ANKRD26: variants seen among roughly 807,000 people sequenced by gnomAD.
ANKRD26 encodes ankyrin repeat domain 26.
A neutral mutation model predicts 208.7 loss-of-function variants in ANKRD26; 141 were observed. The observed-to-expected ratio is 0.68, with a 90% CI of 0.59 to 0.78. The LOEUF (loss-of-function observed/expected upper bound fraction) is 0.78, where lower values mean the gene tolerates loss of function less well. Among genes scored for constraint, ANKRD26 ranks in the 30% least tolerant of loss-of-function variants. The pLI is 0.00. For missense variants in ANKRD26, 1,889 were observed against 1,938.7 expected (o/e 0.97, Z 0.48); for synonymous variants, 636 against 660.4 (o/e 0.96, Z 0.57).
At chr10:27,086,737 C>A in intron 4 of ANKRD26, 128 bp from the exon 5 acceptor site, 2 of 832,322 alleles carry the variant, frequency 2.4e-6, no homozygotes, top group Middle Eastern at 4.4e-4. Flanking sequence ...ATCCCATACA[C>A]TTCAAATATG....
chr10:27,073,289 C>T lies in ANKRD26; in HGVS notation c.1077+4049G>A, dbSNP rs77393344. ...TCTCCCTCTTGCCCACCACTGCAGACACAGCTGGGGCTTTTCCCACGACAG... is the reference window on the plus strand; with the variant it reads ...TCTCCCTCTTGCCCACCACTGCAGATACAGCTGGGGCTTTTCCCACGACAG... On this transcript the variant is annotated intron_variant, in intron 9 of 33. Transcript: ENST00000376087. Among the ~76,000 whole-genome samples, 93 of 152,310 alleles carry T rather than the reference C, an allele frequency of 6.1e-4. 4 individuals are homozygous for T. In the East Asian group the frequency reaches 0.017, roughly 28 times the overall value.
intron 32 of ANKRD26, among the ~76,000 whole-genome samples, chr10:27,009,599 T>C (rs146600911): frequency 6.6e-6 from 1 of 152,218 alleles, no homozygotes; most frequent in Non-Finnish European, 1.5e-5. Context: ...GTGCCATCGA[T>C]GGTTTTTGAA....
intron 26 of ANKRD26, 132 bp downstream of exon 26, chr10:27,029,154 T>C: frequency 1.7e-6 from 2 of 1,186,464 alleles, no homozygotes; most frequent in South Asian, 1.4e-5. Flanking sequence ...ATTTCAAAAT[T>C]GCTTAATGCT....
chr10:27,060,549 CA>C lies in ANKRD26; in HGVS notation c.1463-10del. The C allele has an allele frequency of 6.6e-7, 1 of 1,511,320 alleles. No homozygotes were observed. Among genetic ancestry groups the C allele is most frequent in the Non-Finnish European group, 9.2e-7 (1 of 1,091,664 alleles). 93.6% of individuals were successfully genotyped at this position (1,511,320 alleles called of 1,614,324 possible). A position where few individuals can be genotyped will look rare whatever the true frequency, so the allele number is the denominator to read the frequency against. On this transcript the variant is annotated splice_polypyrimidine_tract_variant and intron_variant, in intron 13 of 33. Coordinates refer to ENST00000376087, the MANE Select transcript of ANKRD26 (RefSeq NM_014915.3). ...ATATCTCTCAGGAGACTCTAAAAAC[CA>C]AAAGGGACATATAATCAATTATACA... is the stretch of plus-strand genomic sequence containing the variant.
rs1368204346 is a variant in ANKRD26 at position 27,043,407 on chromosome 10, A to G, written c.2161+19T>C. Reference sequence around the variant, plus strand: ...AATGGGATACATAAAAAGGCCTTAAATTTATGCAATGGTCCTACCTTTACA... The same window carrying G: ...AATGGGATACATAAAAAGGCCTTAAGTTTATGCAATGGTCCTACCTTTACA... On this transcript the variant is annotated intron_variant, in intron 20 of 33. Coordinates refer to ENST00000376087, the MANE Select transcript of ANKRD26 (RefSeq NM_014915.3). 6.8e-6 allele frequency: 11 copies of G among 1,612,954 alleles called. No individual in the cohort carries two copies. Among genetic ancestry groups the G allele is most frequent in the Non-Finnish European group, 9.3e-6 (11 of 1,179,172 alleles).
intron 9 of ANKRD26, among the ~76,000 whole-genome samples, chr10:27,068,001 A>G (rs1012811800): frequency 6.6e-6 from 1 of 152,230 alleles, no homozygotes; most frequent in Non-Finnish European, 1.5e-5. Flanking sequence ...CGAGGTGAAT[A>G]AAGGACAGTA....
chr10:26,960,162 G>C, the ANKRD26 span, among the ~76,000 whole-genome samples: 3 of 152,074 alleles, frequency 2.0e-5, no homozygotes, highest in East Asian at 1.9e-4. Context: ...AAAAAAAAAG[G>C]GGGGGTAGTG....
At chr10:27,062,026 T>TTC in intron 12 of ANKRD26, 1 of 985,156 alleles carries the variant, frequency 1.0e-6, no homozygotes, top group Non-Finnish European at 1.2e-6. Context: ...CTGAAATGAG[T>TTC]TCTCTCAAGT....
chr10:27,006,954 C>A lies in ANKRD26; in HGVS notation c.4962G>T (p.Gln1654His). Residue 1654 changes from glutamine to histidine, a missense_variant, in exon 33 of 34, where the codon CAG becomes CAT. Gln to His is a conservative substitution (Grantham distance 24, BLOSUM62 0). Transcript: ENST00000376087. ...SMENYLSKMQ[Q>H]ELEKNITREL... ...CTCTAGTTATATTTTTTTCCAACTC[C>A]TGCTGCATCTGAAAAAAGTCAAATG... 3.7e-6 allele frequency: 6 copies of A among 1,609,262 alleles called. No homozygotes were observed. The highest frequency in any genetic ancestry group is 5.1e-6 in the Non-Finnish European group (6 of 1,176,798).
chr10:27,040,165 T>C lies in ANKRD26; in HGVS notation c.2175A>G (p.Leu725=), dbSNP rs769109398. 16 of 1,611,038 alleles carry C rather than the reference T, an allele frequency of 9.9e-6. No individual in the cohort carries two copies. The highest frequency in any genetic ancestry group is 6.7e-5 in the Admixed American group (4 of 59,982). ...LGMECKDSVS[L]LKIQDAALSC... ...AAAGAGCTGCATCCTGGATTTTCAATAGGCTAACAGAATCTGTATCAGGAA... is the reference window on the plus strand; with the variant it reads ...AAAGAGCTGCATCCTGGATTTTCAACAGGCTAACAGAATCTGTATCAGGAA... Residue 725 remains leucine (L), a synonymous_variant, in exon 21 of 34, where the codon CTA becomes CTG. Coordinates refer to ENST00000376087, the MANE Select transcript of ANKRD26 (RefSeq NM_014915.3).
Position 27,100,273 on chromosome 10 carries a change from C to A in ANKRD26, c.54G>T (p.Arg18=). 1 of 1,610,152 alleles carries A rather than the reference C, an allele frequency of 6.2e-7. No individual in the cohort carries two copies. The highest frequency in any genetic ancestry group is 8.5e-7 in the Non-Finnish European group (1 of 1,179,178). Residue 18 remains arginine (R), a synonymous_variant, in exon 1 of 34, where the codon CGG becomes CGT. Transcript: ENST00000376087. ...CGCCTCCCGCGCTGCTCCTCTGCCG[C>A]CGCGCGAAGGAGCCCAAGGGCGACT... ...KGESPLGSFA[R]RQRSSAGGGG... is the part of the protein sequence containing the mutation.
At chr10:27,023,498 A>G (rs1056478069) in intron 28 of ANKRD26, among the ~76,000 whole-genome samples, 3 of 152,238 alleles carry the variant, frequency 2.0e-5, no homozygotes, top group South Asian at 2.1e-4. Flanking sequence ...TTCAAAGTAG[A>G]TAAGAGACAG....
chr10:27,049,116 A>C, intron 16 of ANKRD26, 137 bp from the exon 17 acceptor site: 1 of 682,614 alleles, frequency 1.5e-6, no homozygotes, highest in Non-Finnish European at 2.4e-6. Flanking sequence ...GCTTACTCTA[A>C]TGGGATCATT....
rs1317649128 is a variant in ANKRD26 at position 27,079,092 on chromosome 10, A to G, written c.810T>C (p.Thr270=). The change falls in exon 7 of 34, where the codon ACT becomes ACC. Residue 270 remains threonine, a synonymous_variant. Transcript: ENST00000376087. ...AGTTCATGAGAGAGCACTTTACCTT[A>G]GTATCAAAATTGAGGTCTTCGTCAT... The part of the protein sequence containing the change: ...TSDDEDLNFD[T]KNVPKPSLAK... 1.2e-6 allele frequency: 2 copies of G among 1,611,390 alleles called. No homozygotes were observed. Among genetic ancestry groups the G allele is most frequent in the Non-Finnish European group, 1.7e-6 (2 of 1,177,590 alleles).
intron 27 of ANKRD26, among the ~76,000 whole-genome samples, chr10:27,028,648 T>A (rs904214888): frequency 6.6e-6 from 1 of 150,666 alleles, no homozygotes; most frequent in African/African-American, 2.4e-5. Flanking sequence ...AAGGTATATA[T>A]GAAAAATCAA....
intron 10 of ANKRD26, 79 bp from the exon 11 acceptor site, chr10:27,066,627 C>T (rs1012451811): frequency 4.5e-6 from 4 of 880,218 alleles, no homozygotes; most frequent in African/African-American, 3.4e-5. Flanking sequence ...AATACATATA[C>T]AAGTCTATCT....
chr10:27,027,242 C>T (rs531729142), intron 27 of ANKRD26, among the ~76,000 whole-genome samples: 1 of 152,204 alleles, frequency 6.6e-6, no homozygotes, highest in African/African-American at 2.4e-5. Flanking sequence ...GAGAAAAACA[C>T]ATTACTTTGG....
the ANKRD26 span, among the ~76,000 whole-genome samples, chr10:26,956,324 T>C: frequency 6.6e-6 from 1 of 152,148 alleles, no homozygotes; most frequent in Non-Finnish European, 1.5e-5. Context: ...AAGAAAGCCA[T>C]AAAAATTTCT....
At chr10:27,046,991 A>G (rs2054471225) in intron 17 of ANKRD26, among the ~76,000 whole-genome samples, 1 of 152,180 alleles carries the variant, frequency 6.6e-6, no homozygotes, top group South Asian at 2.1e-4. Flanking sequence ...CTTGAAAGAA[A>G]AAGAGAAAGA....
Sources: gnomAD v4.1 joint callset for allele counts (sites outside exome capture counted in the v4.1 genomes callset) on GRCh38, gnomAD v4.1.1 for gene constraint, MANE v1.5 for transcripts, NCBI Gene and HGNC (gene_info 2026-07-23, HGNC 2026-07-21) for gene names.